Variants in MTHFD1L observed in about 807,000 individuals in gnomAD.
MTHFD1L encodes methylenetetrahydrofolate dehydrogenase (NADP+ dependent) 1 like.
Under a neutral mutation model 119.5 loss-of-function variants are expected in MTHFD1L, and 81 were observed. The observed-to-expected ratio is 0.68, with a 90% CI of 0.57 to 0.82. The LOEUF is 0.82. Ranked by LOEUF, MTHFD1L falls within the 40% of genes least tolerant of loss-of-function variation. The pLI, the probability that MTHFD1L is intolerant of heterozygous loss-of-function variation, is 0.00. For synonymous variants in MTHFD1L, 430 were observed against 475.2 expected (o/e 0.90, Z 1.24); for missense variants, 1,125 against 1,253.4 (o/e 0.90, Z 1.55).
intron 5 of MTHFD1L, among the ~76,000 whole-genome samples, chr6:150,884,820 C>T (rs1781956071): frequency 6.6e-6 from 1 of 152,138 alleles, no homozygotes; most frequent in African/African-American, 2.4e-5. Flanking sequence ...ATTTTTTCCA[C>T]TGCCCCCCAC....
intron 8 of MTHFD1L, chr6:150,912,804 T>G: frequency 2.5e-6 from 1 of 395,282 alleles, no homozygotes; most frequent in Non-Finnish European, 5.3e-6. Context: ...GAGATCCTCG[T>G]TGGACTGTGA....
intron 10 of MTHFD1L, among the ~76,000 whole-genome samples, chr6:150,925,038 C>G (rs957769534): frequency 6.6e-6 from 1 of 152,080 alleles, no homozygotes; most frequent in Non-Finnish European, 1.5e-5. Context: ...CAGGCCCCTA[C>G]AGGATCCTGG....
intron 27 of MTHFD1L, among the ~76,000 whole-genome samples, chr6:151,097,898 G>C (rs767814571): frequency 2.0e-5 from 3 of 152,160 alleles, no homozygotes; most frequent in Admixed American, 6.5e-5. Flanking sequence ...TATTAGGCCA[G>C]GTGTGGTGGC....
At chr6:150,941,120 A>C (rs1464158964) in intron 13 of MTHFD1L, among the ~76,000 whole-genome samples, 1 of 152,224 alleles carries the variant, frequency 6.6e-6, no homozygotes, top group Admixed American at 6.5e-5. Flanking sequence ...AGGAATTGAA[A>C]GTGAAAACAC....
chr6:150,913,415 T>G (rs1290045044), intron 8 of MTHFD1L, among the ~76,000 whole-genome samples: 2 of 152,030 alleles, frequency 1.3e-5, no homozygotes, highest in African/African-American at 4.8e-5. Flanking sequence ...TCCGCCCGAC[T>G]CGGCCTCCCA....
intron 24 of MTHFD1L, among the ~76,000 whole-genome samples, chr6:151,026,881 T>G (rs989476523): frequency 5.6e-5 from 7 of 124,310 alleles, no homozygotes; most frequent in Non-Finnish European, 9.5e-5. Flanking sequence ...CAGGCTGGAG[T>G]CCAGTGGCAC....
rs374933523 is a variant in MTHFD1L at position 150,985,852 on chromosome 6, T to C, written c.2125+13794T>C. On this transcript the variant is annotated intron_variant, in intron 20 of 27. Coordinates refer to ENST00000367321, the MANE Select transcript of MTHFD1L (RefSeq NM_015440.5). ...TCCCTGTCTTGCCTCAGCCTTGCAC[T>C]GTGGAATGCAAAAGAGTAGAAGAAA... is the stretch of plus-strand genomic sequence containing the variant. Among the ~76,000 whole-genome samples, 170 of 152,216 alleles carry C rather than the reference T, an allele frequency of 1.1e-3. 9 individuals carry two copies. The South Asian group carries it at 0.034, about 31-fold the overall frequency.
intron 26 of MTHFD1L, among the ~76,000 whole-genome samples, chr6:151,061,635 T>A (rs1790650306): frequency 6.6e-6 from 1 of 152,204 alleles, no homozygotes; most frequent in Non-Finnish European, 1.5e-5. Context: ...AGTGAAGATG[T>A]CCACTGCACA....
rs564952930 is a variant in MTHFD1L at position 150,978,482 on chromosome 6, C to T, written c.2125+6424C>T. On this transcript the variant is annotated intron_variant, in intron 20 of 27. Coordinates refer to ENST00000367321, the MANE Select transcript of MTHFD1L (RefSeq NM_015440.5). ...CTTCCTGGGTACATGAGCATAAACA[C>T]TCATGCAGCAGAGGAGAAATATGAG... is the stretch of plus-strand genomic sequence containing the variant. Among the ~76,000 whole-genome samples, 57 of 152,252 alleles carry T rather than the reference C, an allele frequency of 3.7e-4. 2 individuals are homozygous for T. In the South Asian group the frequency reaches 0.011, roughly 30 times the overall value.
chr6:150,947,463 G>T (rs1321116423), intron 15 of MTHFD1L, among the ~76,000 whole-genome samples: 1 of 151,866 alleles, frequency 6.6e-6, no homozygotes, highest in East Asian at 2.0e-4. Context: ...TTGGTGTGGT[G>T]GCTCACCCCT....
At chr6:151,086,720 G>A (rs1212735284) in intron 26 of MTHFD1L, among the ~76,000 whole-genome samples, 1 of 151,702 alleles carries the variant, frequency 6.6e-6, no homozygotes, top group Non-Finnish European at 1.5e-5. Flanking sequence ...TGTAGAGATG[G>A]GGCTTTGCCA....
In MTHFD1L at chr6:151,101,855, G is replaced by A. The variant is rs1188714535; in HGVS notation, c.*361G>A. Reference sequence around the variant, plus strand: ...CTCTCAAGTTTTCTACTTTGTCTTTGAACTGAAAATAAACATGGATCTAGA... The same window carrying A: ...CTCTCAAGTTTTCTACTTTGTCTTTAAACTGAAAATAAACATGGATCTAGA... On this transcript the variant is annotated 3_prime_UTR_variant, in exon 28 of 28. Transcript: ENST00000367321. 1 of 152,104 alleles carries A rather than the reference G, an allele frequency of 6.6e-6. No individual in the cohort carries two copies. Among genetic ancestry groups the A allele is most frequent in the Non-Finnish European group, 1.5e-5 (1 of 68,022 alleles). 9.4% of individuals were successfully genotyped at this position (152,104 alleles called of 1,614,324 possible).
intron 1 of MTHFD1L, among the ~76,000 whole-genome samples, chr6:150,871,495 CTTTTTTTTTTT>C (rs149449398): frequency 2.0e-5 from 2 of 102,142 alleles, no homozygotes; most frequent in Non-Finnish European, 3.8e-5. Flanking sequence ...CTACTGTAAT[CTTTTTTTTTTT>C]TTTTTTTTTT....
At chr6:151,083,739 C>T (rs1301399059) in intron 26 of MTHFD1L, among the ~76,000 whole-genome samples, 1 of 152,052 alleles carries the variant, frequency 6.6e-6, no homozygotes, top group Non-Finnish European at 1.5e-5. Context: ...TTGGTTACTT[C>T]ATTGCATAAT....
chr6:150,906,110 A>G (rs775457624), intron 8 of MTHFD1L, among the ~76,000 whole-genome samples: 3 of 152,250 alleles, frequency 2.0e-5, no homozygotes, highest in Non-Finnish European at 4.4e-5. Context: ...TTCCAAAGAA[A>G]TCTTCGTGGA....
rs747477313 is a variant in MTHFD1L at position 150,960,264 on chromosome 6, G to T, written c.1804-11G>T. 1 of 1,608,726 alleles carries T rather than the reference G, an allele frequency of 6.2e-7. No homozygotes were observed. Among genetic ancestry groups the T allele is most frequent in the South Asian group, 1.1e-5 (1 of 90,388 alleles). ...TGTCGCTGACCACTACCTGTGTTTG[G>T]GCTGGTTCAGGCGCAGTTTGACATC... On this transcript the variant is annotated splice_polypyrimidine_tract_variant and intron_variant, in intron 17 of 27. Coordinates refer to ENST00000367321, the MANE Select transcript of MTHFD1L (RefSeq NM_015440.5).
intron 24 of MTHFD1L, among the ~76,000 whole-genome samples, chr6:151,025,322 G>T (rs777460740): frequency 6.6e-6 from 1 of 152,220 alleles, no homozygotes; most frequent in Non-Finnish European, 1.5e-5. Context: ...TTGTGTCAAC[G>T]ATACAGGGGC....
intron 15 of MTHFD1L, among the ~76,000 whole-genome samples, chr6:150,946,668 C>T (rs979107242): frequency 6.6e-6 from 1 of 152,166 alleles, no homozygotes; most frequent in Non-Finnish European, 1.5e-5. Flanking sequence ...AAAAATTCAC[C>T]TCCTGCCTCT....
chr6:151,046,849 G>A (rs907069886), intron 26 of MTHFD1L, among the ~76,000 whole-genome samples: 15 of 152,228 alleles, frequency 9.9e-5, no homozygotes, highest in Non-Finnish European at 2.1e-4. Context: ...GTCAGTTTGA[G>A]GGTATAGTGG....
Sources: gnomAD v4.1 joint callset for allele counts (sites outside exome capture counted in the v4.1 genomes callset) on GRCh38, gnomAD v4.1.1 for gene constraint, MANE v1.5 for transcripts, NCBI Gene and HGNC (gene_info 2026-07-23, HGNC 2026-07-21) for gene names.